DENND1A: variants seen among roughly 807,000 people sequenced by gnomAD.
DENND1A encodes DENN domain containing 1A.
Under a neutral mutation model 113.7 loss-of-function variants are expected in DENND1A, and 51 were observed. That is an observed-to-expected ratio of 0.45 (90% CI 0.36 to 0.57). The LOEUF (loss-of-function observed/expected upper bound fraction) is 0.57. Among genes scored for constraint, DENND1A ranks in the 20% least tolerant of loss-of-function variants. The probability of loss-of-function intolerance (pLI) is 0.00; values close to 1 mark genes in which losing one functional copy is unlikely to be tolerated. For synonymous variants in DENND1A, 565 were observed against 570.8 expected, an observed-to-expected ratio of 0.99 and a Z score of 0.14; for missense variants, 1,258 against 1,395.9, an observed-to-expected ratio of 0.90 and a Z score of 1.57.
At chr9:123,726,377 T>C (rs1351396096) in intron 5 of DENND1A, among the ~76,000 whole-genome samples, 4 of 152,232 alleles carry the variant, frequency 2.6e-5, no homozygotes, top group African/African-American at 9.6e-5. Context: ...AGCCTGACTA[T>C]GAATCCAGAT....
intron 13 of DENND1A, among the ~76,000 whole-genome samples, chr9:123,551,977 G>A (rs1240877079): frequency 2.0e-5 from 3 of 151,534 alleles, no homozygotes; most frequent in African/African-American, 7.3e-5. Context: ...TTTTCATTAG[G>A]AAAGAGAGAG....
chr9:123,457,971 A>G, intron 13 of DENND1A, 74 bp from the exon 14 acceptor site: 3 of 1,165,712 alleles, frequency 2.6e-6, no homozygotes, highest in Non-Finnish European at 3.7e-6. Context: ...TCCTATTTGC[A>G]GAGTTTCTCC....
intron 9 of DENND1A, among the ~76,000 whole-genome samples, chr9:123,642,876 G>C (rs1320715804): frequency 2.0e-5 from 3 of 152,240 alleles, no homozygotes; most frequent in Non-Finnish European, 4.4e-5. Context: ...TCATTCAGGT[G>C]CTCAGCTCAT....
chr9:123,456,050 G>A (rs2048095825), intron 15 of DENND1A, among the ~76,000 whole-genome samples: 1 of 152,184 alleles, frequency 6.6e-6, no homozygotes, highest in African/African-American at 2.4e-5. Context: ...TCTGGACCTA[G>A]CAGGTGTTCA....
intron 19 of DENND1A, among the ~76,000 whole-genome samples, chr9:123,417,656 G>T (rs2044847534): frequency 6.6e-6 from 1 of 152,236 alleles, no homozygotes. Flanking sequence ...TGTTGTTAGA[G>T]ATCTGTGCCT....
At chr9:123,604,703 C>T (rs2060075955) in intron 11 of DENND1A, among the ~76,000 whole-genome samples, 1 of 152,148 alleles carries the variant, frequency 6.6e-6, no homozygotes, top group Admixed American at 6.5e-5. Context: ...AGTGTCACTC[C>T]CAAGCCTGGT....
chr9:123,413,455 C>G, intron 19 of DENND1A: 1 of 985,452 alleles, frequency 1.0e-6, no homozygotes, highest in African/African-American at 1.7e-5. Flanking sequence ...AGTGACACTT[C>G]AGATCTCAAA....
chr9:123,416,976 C>A (rs2044779205), intron 19 of DENND1A, among the ~76,000 whole-genome samples: 1 of 152,224 alleles, frequency 6.6e-6, no homozygotes, highest in Non-Finnish European at 1.5e-5. Context: ...GGGTAAACCC[C>A]AAGAAATAGA....
intron 19 of DENND1A, among the ~76,000 whole-genome samples, chr9:123,433,828 C>T (rs2046319609): frequency 6.6e-6 from 1 of 152,184 alleles, no homozygotes; most frequent in African/African-American, 2.4e-5. Flanking sequence ...CTTCCCCTGA[C>T]TGCTTTCCCC....
chr9:123,625,179 C>T (rs971721266), intron 10 of DENND1A, among the ~76,000 whole-genome samples: 48 of 152,102 alleles, frequency 3.2e-4, no homozygotes, highest in Non-Finnish European at 6.2e-4. Flanking sequence ...TAATACATAA[C>T]GTCTGTATCA....
chr9:123,515,376 C>A (rs1482552066), intron 13 of DENND1A, among the ~76,000 whole-genome samples: 1 of 152,146 alleles, frequency 6.6e-6, no homozygotes, highest in African/African-American at 2.4e-5. Flanking sequence ...AGAGAATGTC[C>A]TATCTTCTTA....
chr9:123,843,170 C>CA, intron 2 of DENND1A: 1 of 552,034 alleles, frequency 1.8e-6, no homozygotes, highest in South Asian at 1.4e-5. Flanking sequence ...CATGGTTGTG[C>CA]ATATGTTCTG....
intron 20 of DENND1A, chr9:123,411,240 T>G (rs1410529255): frequency 6.6e-6 from 1 of 152,222 alleles, no homozygotes; most frequent in African/African-American, 2.4e-5. Flanking sequence ...ACTACAGGCA[T>G]GCACCACCAC....
intron 5 of DENND1A, among the ~76,000 whole-genome samples, chr9:123,725,583 G>A (rs938251460): frequency 2.0e-5 from 3 of 152,222 alleles, no homozygotes; most frequent in Non-Finnish European, 4.4e-5. Flanking sequence ...AGTTAACCAC[G>A]AGCAGAACTG....
intron 11 of DENND1A, among the ~76,000 whole-genome samples, chr9:123,595,237 C>G (rs1047592633): frequency 1.3e-5 from 2 of 152,126 alleles, no homozygotes; most frequent in Non-Finnish European, 2.9e-5. Context: ...CAAATCCACC[C>G]CTCACAAGGT....
rs201097478 is a variant in DENND1A at position 123,630,492 on chromosome 9, G to A, written c.619-16C>T. 1,353 of 1,529,424 alleles carry A rather than the reference G, an allele frequency of 8.8e-4. 14 individuals carry two copies. Among genetic ancestry groups the A allele is most frequent in the South Asian group, 5.1e-3 (410 of 80,566 alleles). The allele number at this position is 1,529,424 out of a possible 1,614,324, so 94.7% of individuals were successfully genotyped here. A position where few individuals can be genotyped will look rare whatever the true frequency, so the allele number is the denominator to read the frequency against. The stretch of plus-strand genomic sequence containing the variant: ...AGGCAGTCAGCTGGAACAGAGCAAA[G>A]CAGAGATCAATGAACAAATCCAAGG... On this transcript the variant is annotated splice_polypyrimidine_tract_variant and intron_variant, in intron 9 of 23. Transcript: ENST00000394215.
chr9:123,543,239 C>T (rs900240519), intron 13 of DENND1A, among the ~76,000 whole-genome samples: 5 of 152,174 alleles, frequency 3.3e-5, no homozygotes, highest in African/African-American at 1.2e-4. Context: ...AGCAGTGCTT[C>T]GTAAACTGCT....
In DENND1A at chr9:123,536,581, C is replaced by A. The variant is rs1020358139; in HGVS notation, c.993+20989G>T. 7.2e-5 allele frequency among the ~76,000 whole-genome samples: 11 copies of A among 152,058 alleles called. No homozygotes were observed. The East Asian group carries it at 2.1e-3, about 29-fold the overall frequency. ...TGTTTTGGCCTCTGCAACAGCAGGTCAGTGTGAGGGGCCCATGGTAAGAAG... is the reference window on the plus strand; with the variant it reads ...TGTTTTGGCCTCTGCAACAGCAGGTAAGTGTGAGGGGCCCATGGTAAGAAG... On this transcript the variant is annotated intron_variant, in intron 13 of 23. Coordinates refer to ENST00000394215, the MANE Select transcript of DENND1A (RefSeq NM_001352964.2).
chr9:123,782,779 C>T (rs1435149950), intron 3 of DENND1A, among the ~76,000 whole-genome samples: 1 of 152,174 alleles, frequency 6.6e-6, no homozygotes, highest in Non-Finnish European at 1.5e-5. Flanking sequence ...TTATATCACA[C>T]AATTTATGTA....
Sources: allele counts gnomAD v4.1 joint callset (sites outside exome capture counted in the v4.1 genomes callset), GRCh38; gene constraint gnomAD v4.1.1; transcripts MANE v1.5; gene names NCBI Gene and HGNC (gene_info 2026-07-23, HGNC 2026-07-21).